Variants in CIT observed in about 807,000 individuals in gnomAD.
CIT encodes the protein citron rho-interacting serine/threonine kinase.
In CIT, 79 loss-of-function variants were observed where a neutral mutation model predicts 272.7. The observed-to-expected ratio is 0.29, with a 90% confidence interval of 0.24 to 0.35. The LOEUF (loss-of-function observed/expected upper bound fraction) is 0.35, where lower values mean the gene tolerates loss of function less well. Among genes scored for constraint, CIT ranks in the 10% least tolerant of loss-of-function variants. The pLI is 1.00. For missense variants in CIT, 1,909 were observed against 2,618.3 expected (o/e 0.73, Z 5.91); for synonymous variants, 948 against 995.6 (o/e 0.95, Z 0.90).
At chr12:119,788,233 A>AAC (rs375987470) in intron 10 of CIT, among the ~76,000 whole-genome samples, 4 of 152,028 alleles carry the variant, frequency 2.6e-5, no homozygotes, top group African/African-American at 7.3e-5. Context: ...AAATCTAGCC[A>AAC]ACACACACAC....
chr12:119,829,386 GAAGAGAAGA>G (rs1968440172), intron 7 of CIT, among the ~76,000 whole-genome samples: 1 of 150,956 alleles, frequency 6.6e-6, no homozygotes, highest in Admixed American at 6.6e-5. Context: ...GAAGAGAAGA[GAAGAGAAGA>G]GAAGAGAAGA....
At chr12:119,711,144 G>A (rs955701636) in intron 37 of CIT, 14 of 1,343,806 alleles carry the variant, frequency 1.0e-5, no homozygotes, top group Non-Finnish European at 1.2e-5. Context: ...CGTGTGAAAC[G>A]ACCAACAAGT....
Position 119,712,462 on chromosome 12 carries a change from C to A in CIT, c.4685-115G>T. The stretch of plus-strand genomic sequence containing the variant: ...AAACCACGCAAATCCCAGTTACCGC[C>A]AAGGCGGGGAGCGGAGGAAGATGGG... On this transcript the variant is annotated intron_variant, in intron 36 of 47. Transcript: ENST00000392521. The surrounding 1 kb of genome is among the most constrained non-coding windows in gnomAD (Gnocchi z 5.2). 2 of 1,412,222 alleles carry A rather than the reference C, an allele frequency of 1.4e-6. No homozygotes were observed. Among genetic ancestry groups the A allele is most frequent in the South Asian group, 1.3e-5 (1 of 77,220 alleles). The allele number at this position is 1,412,222 out of a possible 1,614,324, so 87.5% of individuals were successfully genotyped here.
chr12:119,728,729 G>A lies in CIT; in HGVS notation c.3487-123C>T. On this transcript the variant is annotated intron_variant, in intron 27 of 47. Coordinates refer to ENST00000392521, the MANE Select transcript of CIT (RefSeq NM_001206999.2). This position sits in a 1 kb window ranked among gnomAD's most constrained non-coding sequence, Gnocchi z 4.3. ...TGAGTTCTAAAGGTCAGAACGTAAA[G>A]GTTGCTTTTTTCTAAATACAGAAGT... The A allele has an allele frequency of 1.5e-6, 1 of 688,692 alleles. No individual in the cohort carries two copies. Among genetic ancestry groups the A allele is most frequent in the South Asian group, 1.9e-5 (1 of 52,100 alleles). The allele number at this position is 688,692 out of a possible 1,614,324, so 42.7% of individuals were successfully genotyped here. A position where few individuals can be genotyped will look rare whatever the true frequency, so the allele number is the denominator to read the frequency against.
chr12:119,702,435 C>T (rs1956643771), intron 41 of CIT, among the ~76,000 whole-genome samples: 1 of 152,136 alleles, frequency 6.6e-6, no homozygotes, highest in African/African-American at 2.4e-5. Flanking sequence ...TCTGTAATCC[C>T]AGCACTTTGG....
In CIT at chr12:119,690,343, G is replaced by T. The variant is rs998721379; in HGVS notation, c.5994C>A (p.Pro1998=). ...GPSHPREPST[P]HRYREGRTEL... is the part of the protein sequence containing the mutation. ...CGGTCCGCCCCTCGCGGTAGCGGTG[G>T]GGTGTGCTTGGCTCTCGCGGGTGGC... The change falls in exon 47 of 48, where the codon CCC becomes CCA. Residue 1998 remains proline (P), a synonymous_variant. Coordinates refer to ENST00000392521, the MANE Select transcript of CIT (RefSeq NM_001206999.2). This position sits in a 1 kb window ranked among gnomAD's most constrained non-coding sequence, Gnocchi z 6.0. 4 of 1,597,904 alleles carry T rather than the reference G, an allele frequency of 2.5e-6. No homozygotes were observed. Among genetic ancestry groups the T allele is most frequent in the Non-Finnish European group, 3.4e-6 (4 of 1,178,482 alleles).
In CIT at chr12:119,752,249, T is replaced by TGAGA. The variant is rs141931278; in HGVS notation, c.2707-6_2707-3dup. 2.4e-3 allele frequency: 3,860 copies of TGAGA among 1,598,852 alleles called. 52 individuals carry two copies. In the African/African-American group the frequency reaches 0.043, roughly 18 times the overall value. ...CTGCTCCTCGTGCTCTAGACTGACCTGAGACAGAGAGAGAGAGAGAAAGAG... is the reference window on the plus strand; with the variant it reads ...CTGCTCCTCGTGCTCTAGACTGACCTGAGAGAGACAGAGAGAGAGAGAGAAAGAG... On this transcript the variant is annotated splice_region_variant and splice_polypyrimidine_tract_variant and intron_variant, in intron 22 of 47. Transcript: ENST00000392521.
At chr12:119,747,475 C>T (rs527586710) in intron 23 of CIT, among the ~76,000 whole-genome samples, 1 of 150,952 alleles carries the variant, frequency 6.6e-6, no homozygotes, top group East Asian at 2.0e-4. Context: ...AATCCCAGCA[C>T]TTTGGGAGGC....
At chr12:119,779,174 T>TAC (rs1964062125) in intron 13 of CIT, among the ~76,000 whole-genome samples, 1 of 152,040 alleles carries the variant, frequency 6.6e-6, no homozygotes, top group African/African-American at 2.4e-5. Flanking sequence ...GAGCTGAGAT[T>TAC]ACACCACTGC....
intron 28 of CIT, among the ~76,000 whole-genome samples, chr12:119,727,905 G>A (rs1265764530): frequency 6.6e-6 from 1 of 151,052 alleles, no homozygotes; most frequent in African/African-American, 2.5e-5. Context: ...ATTCTAGCCT[G>A]GGCAACAGAG....
chr12:119,734,501 G>T, intron 25 of CIT, 144 bp from the exon 26 acceptor site: 1 of 849,812 alleles, frequency 1.2e-6, no homozygotes, highest in Non-Finnish European at 1.9e-6. Context: ...CAGCCCAAGG[G>T]GACCAGGCAA....
At position 119,782,574 on chromosome 12, in the gene CIT, G is replaced by T. The variant is rs1173872248; in HGVS notation, c.1609C>A (p.Gln537Lys). 1 of 1,614,174 alleles carries T rather than the reference G, an allele frequency of 6.2e-7. No homozygotes were observed. ...TGCTCTCTGATATCATGGAGAAGCT[G>T]CAGTGCTTTGTCATCCTCCTGGGAC... ...EVSQEDDKALQLLHDIREQSR... is the reference protein window; with the variant it reads ...EVSQEDDKALKLLHDIREQSR... Residue 537 changes from glutamine (Q) to lysine (K), a missense_variant, in exon 13 of 48, where the codon CAG (glutamine) becomes AAG (lysine). Gln to Lys is a moderately conservative substitution (Grantham distance 53). Around this residue, in one of 8 missense-constraint regions of CIT, gnomAD observed 19 missense variants for 21.4 expected, o/e 0.89. Coordinates refer to ENST00000392521, the MANE Select transcript of CIT (RefSeq NM_001206999.2).
At chr12:119,861,993 G>T (rs1950352508) in intron 3 of CIT, among the ~76,000 whole-genome samples, 1 of 135,624 alleles carries the variant, frequency 7.4e-6, no homozygotes, top group Non-Finnish European at 1.5e-5. Flanking sequence ...TGGTTAGTTG[G>T]TTTGTTTGTT....
chr12:119,712,998 G>C lies in CIT; in HGVS notation c.4579+205C>G. ...TAGCAGGTGGAATCTTCAGGGCAGC[G>C]CCCTGCGGGTTCTTCAGGGGGGAGA... On this transcript the variant is annotated intron_variant, in intron 35 of 47. Transcript: ENST00000392521. The surrounding 1 kb of genome is among the most constrained non-coding windows in gnomAD (Gnocchi z 5.2). 1.6e-6 allele frequency: 1 copy of C among 612,326 alleles called. No individual in the cohort carries two copies. The highest frequency in any genetic ancestry group is 3.0e-5 in the Admixed American group (1 of 33,678). The allele number at this position is 612,326 out of a possible 1,614,324, so 37.9% of individuals were successfully genotyped here. A position where few individuals can be genotyped will look rare whatever the true frequency, so the allele number is the denominator to read the frequency against.
intron 23 of CIT, among the ~76,000 whole-genome samples, chr12:119,748,804 CA>C (rs1959805355): frequency 6.6e-6 from 1 of 152,156 alleles, no homozygotes; most frequent in Non-Finnish European, 1.5e-5. Flanking sequence ...AGTGAAAACA[CA>C]AAATGTGTTC....
chr12:119,800,500 G>T (rs1476143554), intron 10 of CIT, among the ~76,000 whole-genome samples: 1 of 152,170 alleles, frequency 6.6e-6, no homozygotes, highest in African/African-American at 2.4e-5. Context: ...CATTCTCACT[G>T]CCAATTTCTC....
chr12:119,876,865 G>T (rs1419651136), intron 1 of CIT, among the ~76,000 whole-genome samples: 1 of 152,136 alleles, frequency 6.6e-6, no homozygotes, highest in African/African-American at 2.4e-5. Context: ...GTGGGCACGG[G>T]GTATGAATAC....
rs1958381565 is a variant in CIT, at chr12:119,730,579, T to C, written c.3402A>G (p.Ala1134=). The C allele has an allele frequency of 2.5e-6, 4 of 1,614,172 alleles. No individual in the cohort carries two copies. The South Asian group carries it at 4.4e-5, about 18-fold the overall frequency. ...GAATCTCAGCCTTGTGCTCCTTCAC[T>C]GCCAGCTCCACCACCTGGCGAGACT... The part of the protein sequence containing the change: ...ITESRQVVEL[A]VKEHKAEILA... Residue 1134 remains alanine, a synonymous_variant, in exon 27 of 48, where the codon GCA becomes GCG. Coordinates refer to ENST00000392521, the MANE Select transcript of CIT (RefSeq NM_001206999.2).
At chr12:119,806,877 C>A (rs1340001108) in intron 9 of CIT, among the ~76,000 whole-genome samples, 2 of 152,026 alleles carry the variant, frequency 1.3e-5, no homozygotes, top group Non-Finnish European at 2.9e-5. Context: ...TTGAAAGGAA[C>A]CAAACTGAAC....
Sources: allele counts gnomAD v4.1 joint callset (sites outside exome capture counted in the v4.1 genomes callset), GRCh38; gene constraint gnomAD v4.1.1; regional missense constraint gnomAD v4.1.1; non-coding constraint Gnocchi (gnomAD v3.1); transcripts MANE v1.5; gene names NCBI Gene and HGNC (gene_info 2026-07-23, HGNC 2026-07-21).